Variants in APLNR observed in about 807,000 individuals in gnomAD.
APLNR encodes APJ (apelin) receptor.
In APLNR, 13 loss-of-function variants were observed where a neutral mutation model predicts 23.4. The observed-to-expected ratio is 0.56, with a 90% CI of 0.36 to 0.88. The LOEUF (loss-of-function observed/expected upper bound fraction) is 0.88, where lower values mean the gene tolerates loss of function less well. Ranked by LOEUF, APLNR falls within the 40% of genes least tolerant of loss-of-function variation. APLNR has a pLI of 0.01. For missense variants in APLNR, 480 were observed against 517.1 expected (o/e 0.93, Z 0.70); for synonymous variants, 234 against 211.9 (o/e 1.10, Z -0.91).
Position 57,236,674 on chromosome 11 carries a change from C to T in APLNR, c.331G>A (p.Val111Ile), listed in dbSNP as rs748168275. The change falls in exon 1 of 1, where the codon GTC becomes ATC. Residue 111 changes from valine to isoleucine, a missense_variant. Coordinates refer to ENST00000606794, the MANE Select transcript of APLNR (RefSeq NM_005161.6). ...FCKLSSYLIF[V>I]NMYASVFCLT... Reference sequence around the variant, plus strand: ...CAGAAGACGCTGGCGTACATGTTGACGAAGATGAGGTAGCTGCTGAGCTTG... The same window carrying T: ...CAGAAGACGCTGGCGTACATGTTGATGAAGATGAGGTAGCTGCTGAGCTTG... 3.4e-5 allele frequency: 55 copies of T among 1,609,982 alleles called. No individual in the cohort carries two copies. Among genetic ancestry groups the T allele is most frequent in the Non-Finnish European group, 4.1e-5 (48 of 1,179,540 alleles).
In APLNR at chr11:57,235,755, TA is replaced by T; in HGVS notation, c.*106del. Reference sequence around the variant, plus strand: ...GGGCGGGGCAGAATCAGGGGACAGTTAAAGGATGTGCATAGGACAAGGAGTA... The same window carrying T: ...GGGCGGGGCAGAATCAGGGGACAGTTAAGGATGTGCATAGGACAAGGAGTA... On this transcript the variant is annotated 3_prime_UTR_variant, in exon 1 of 1. Transcript: ENST00000606794. The T allele has an allele frequency of 7.7e-7, 1 of 1,292,324 alleles. No homozygotes were observed. The highest frequency in any genetic ancestry group is 1.1e-6 in the Non-Finnish European group (1 of 941,236). 80.1% of individuals were successfully genotyped at this position (1,292,324 alleles called of 1,614,324 possible).
In APLNR at chr11:57,237,016, G is replaced by T; in HGVS notation, c.-12C>A. On this transcript the variant is annotated 5_prime_UTR_variant, in exon 1 of 1. Coordinates refer to ENST00000606794, the MANE Select transcript of APLNR (RefSeq NM_005161.6). ...CCACCTTCCTCCATGCTGGGGAGTG[G>T]AGAGAAGACGGGCAGAGGGTCCCAG... is the stretch of plus-strand genomic sequence containing the variant. 6.4e-7 allele frequency: 1 copy of T among 1,560,802 alleles called. No individual in the cohort carries two copies. Among genetic ancestry groups the T allele is most frequent in the Non-Finnish European group, 8.7e-7 (1 of 1,152,892 alleles).
chr11:57,237,247 A>C lies in APLNR; in HGVS notation c.-243T>G. On this transcript the variant is annotated 5_prime_UTR_variant, in exon 1 of 1. Coordinates refer to ENST00000606794, the MANE Select transcript of APLNR (RefSeq NM_005161.6). Reference sequence around the variant, plus strand: ...TCTTGCCTTACCCCCGTCTCAGTTAAGACACTTCCTTGCACCCTCCTGCGT... The same window carrying C: ...TCTTGCCTTACCCCCGTCTCAGTTACGACACTTCCTTGCACCCTCCTGCGT... 1.9e-6 allele frequency: 1 copy of C among 514,906 alleles called. No individual in the cohort carries two copies. Among genetic ancestry groups the C allele is most frequent in the South Asian group, 3.5e-5 (1 of 28,882 alleles). The allele number at this position is 514,906 out of a possible 1,614,324, so 31.9% of individuals were successfully genotyped here. A position where few individuals can be genotyped will look rare whatever the true frequency, so the allele number is the denominator to read the frequency against.
chr11:57,236,933 C>G lies in APLNR; in HGVS notation c.72G>C (p.Trp24Cys). 6.2e-7 allele frequency: 1 copy of G among 1,613,738 alleles called. No individual in the cohort carries two copies. Among genetic ancestry groups the G allele is most frequent in the South Asian group, 1.1e-5 (1 of 91,032 alleles). ...DNQSECEYTD[W>C]KSSGALIPAI... The stretch of plus-strand genomic sequence containing the variant: ...CAGGGATGAGGGCCCCCGAGGATTT[C>G]CAGTCTGTGTACTCACACTCAGACT... The change falls in exon 1 of 1, where the codon TGG (tryptophan) becomes TGC (cysteine). Residue 24 changes from tryptophan to cysteine, a missense_variant. Coordinates refer to ENST00000606794, the MANE Select transcript of APLNR (RefSeq NM_005161.6).
Position 57,236,572 on chromosome 11 carries a change from T to A in APLNR, c.433A>T (p.Ser145Cys). Residue 145 changes from serine to cysteine, a missense_variant, in exon 1 of 1, where the codon AGC becomes TGC. Coordinates refer to ENST00000606794, the MANE Select transcript of APLNR (RefSeq NM_005161.6). ...AGAACTGCCGTGGCCACGGCCCCGC[T>A]GACCCGCAGCCTCAGCCGAGCATTG... ...VANARLRLRVSGAVATAVLWV... is the reference protein window; with the variant it reads ...VANARLRLRVCGAVATAVLWV... 6.2e-7 allele frequency: 1 copy of A among 1,613,366 alleles called. No individual in the cohort carries two copies. The highest frequency in any genetic ancestry group is 8.5e-7 in the Non-Finnish European group (1 of 1,179,834).
At position 57,236,548 on chromosome 11, in the gene APLNR, G is replaced by T. The variant is rs747848269; in HGVS notation, c.457C>A (p.Leu153Ile). 15 of 1,613,990 alleles carry T rather than the reference G, an allele frequency of 9.3e-6. No individual in the cohort carries two copies. Among genetic ancestry groups the T allele is most frequent in the Non-Finnish European group, 1.2e-5 (14 of 1,179,982 alleles). ...GCCAGGAGGGCGGCCAGCACCCAAAGAACTGCCGTGGCCACGGCCCCGCTG... is the reference window on the plus strand; with the variant it reads ...GCCAGGAGGGCGGCCAGCACCCAAATAACTGCCGTGGCCACGGCCCCGCTG... ...RVSGAVATAV[L>I]WVLAALLAMP... The change falls in exon 1 of 1, where the codon CTT becomes ATT. Residue 153 changes from leucine (L) to isoleucine (I), a missense_variant. Transcript: ENST00000606794.
Position 57,237,026 on chromosome 11 carries a change from G to A in APLNR, c.-22C>T, listed in dbSNP as rs373994970. On this transcript the variant is annotated 5_prime_UTR_variant, in exon 1 of 1. Coordinates refer to ENST00000606794, the MANE Select transcript of APLNR (RefSeq NM_005161.6). ...CCATGCTGGGGAGTGGAGAGAAGAC[G>A]GGCAGAGGGTCCCAGGGACACCAGC... The A allele has an allele frequency of 4.0e-4, 626 of 1,553,034 alleles. No individual in the cohort carries two copies. The highest frequency in any genetic ancestry group is 5.2e-4 in the Non-Finnish European group (603 of 1,149,804).
In APLNR at chr11:57,235,087, T is replaced by A. The variant is rs974089779; in HGVS notation, c.*775A>T. 6.6e-6 allele frequency: 1 copy of A among 152,224 alleles called. No individual in the cohort carries two copies. Among genetic ancestry groups the A allele is most frequent in the Non-Finnish European group, 1.5e-5 (1 of 68,082 alleles). The allele number at this position is 152,224 out of a possible 1,614,324, so 9.4% of individuals were successfully genotyped here. On this transcript the variant is annotated 3_prime_UTR_variant, in exon 1 of 1. Transcript: ENST00000606794. Reference sequence around the variant, plus strand: ...AGGATGAAAGGGTCTGCGGACAATTTGGAGAAAGCATATCTAGTCAGTGTC... The same window carrying A: ...AGGATGAAAGGGTCTGCGGACAATTAGGAGAAAGCATATCTAGTCAGTGTC...
At position 57,234,677 on chromosome 11, in the gene APLNR, G is replaced by A. The variant is rs948846; in HGVS notation, c.*1185C>T. On this transcript the variant is annotated 3_prime_UTR_variant, in exon 1 of 1. Transcript: ENST00000606794. ...GCAGTGGATTGGGGGGTGGGAGGAG[G>A]TTTGTCCAAATGACCCAGGCACACT... 0.99 allele frequency: 150,526 copies of A among 152,294 alleles called. 74,415 individuals carry two copies. The highest frequency in any genetic ancestry group is 1 in the Middle Eastern group (296 of 296). The allele number at this position is 152,294 out of a possible 1,614,324, so 9.4% of individuals were successfully genotyped here.
At position 57,236,918 on chromosome 11, in the gene APLNR, G is replaced by A. The variant is rs1362956881; in HGVS notation, c.87C>T (p.Ala29=). ...CEYTDWKSSG[A]LIPAIYMLVF... Reference sequence around the variant, plus strand: ...CCAACATGTAGATGGCAGGGATGAGGGCCCCCGAGGATTTCCAGTCTGTGT... The same window carrying A: ...CCAACATGTAGATGGCAGGGATGAGAGCCCCCGAGGATTTCCAGTCTGTGT... The change falls in exon 1 of 1, where the codon GCC becomes GCT. Residue 29 remains alanine, a synonymous_variant. Coordinates refer to ENST00000606794, the MANE Select transcript of APLNR (RefSeq NM_005161.6). The A allele has an allele frequency of 1.9e-6, 3 of 1,613,920 alleles. No homozygotes were observed. The highest frequency in any genetic ancestry group is 2.5e-6 in the Non-Finnish European group (3 of 1,180,022).
chr11:57,236,921 C>T lies in APLNR; in HGVS notation c.84G>A (p.Gly28=). The change falls in exon 1 of 1, where the codon GGG becomes GGA. Residue 28 remains glycine, a synonymous_variant. Coordinates refer to ENST00000606794, the MANE Select transcript of APLNR (RefSeq NM_005161.6). ...ECEYTDWKSS[G]ALIPAIYMLV... Reference sequence around the variant, plus strand: ...ACATGTAGATGGCAGGGATGAGGGCCCCCGAGGATTTCCAGTCTGTGTACT... The same window carrying T: ...ACATGTAGATGGCAGGGATGAGGGCTCCCGAGGATTTCCAGTCTGTGTACT... 6.2e-7 allele frequency: 1 copy of T among 1,613,934 alleles called. No individual in the cohort carries two copies. Among genetic ancestry groups the T allele is most frequent in the Non-Finnish European group, 8.5e-7 (1 of 1,179,988 alleles).
At position 57,235,730 on chromosome 11, in the gene APLNR, G is replaced by A; in HGVS notation, c.*132C>T. The A allele has an allele frequency of 9.3e-7, 1 of 1,070,732 alleles. No homozygotes were observed. The highest frequency in any genetic ancestry group is 1.3e-6 in the Non-Finnish European group (1 of 754,808). 66.3% of individuals were successfully genotyped at this position (1,070,732 alleles called of 1,614,324 possible). A position where few individuals can be genotyped will look rare whatever the true frequency, so the allele number is the denominator to read the frequency against. On this transcript the variant is annotated 3_prime_UTR_variant, in exon 1 of 1. Coordinates refer to ENST00000606794, the MANE Select transcript of APLNR (RefSeq NM_005161.6). ...AAGAATAAAGCAGTAGAGGAGGACA[G>A]GGCGGGGCAGAATCAGGGGACAGTT...
chr11:57,236,834 G>A lies in APLNR; in HGVS notation c.171C>T (p.Ser57=), dbSNP rs1336082202. ...TATCAGCTGAGCGCCTCTTCTCCCG[G>A]CTGCTCCGAAACACGGTCCAGAGCA... ...GLVLWTVFRS[S]REKRRSADIF... Residue 57 remains serine, a synonymous_variant, in exon 1 of 1, where the codon AGC becomes AGT. Transcript: ENST00000606794. 1 of 1,614,230 alleles carries A rather than the reference G, an allele frequency of 6.2e-7. No individual in the cohort carries two copies. The highest frequency in any genetic ancestry group is 1.3e-5 in the African/African-American group (1 of 75,062).
chr11:57,236,474 A>T lies in APLNR; in HGVS notation c.531T>A (p.Thr177=). 6.2e-7 allele frequency: 1 copy of T among 1,614,166 alleles called. No homozygotes were observed. The highest frequency in any genetic ancestry group is 8.5e-7 in the Non-Finnish European group (1 of 1,180,014). The change falls in exon 1 of 1, where the codon ACT becomes ACA. Residue 177 remains threonine, a synonymous_variant. Transcript: ENST00000606794. The part of the protein sequence containing the change: ...LRTTGDLENT[T]KVQCYMDYSM... Reference sequence around the variant, plus strand: ...AGTAGTCCATGTAGCACTGCACCTTAGTGGTGTTCTCCAAGTCCCCGGTGG... The same window carrying T: ...AGTAGTCCATGTAGCACTGCACCTTTGTGGTGTTCTCCAAGTCCCCGGTGG...
Position 57,233,609 on chromosome 11 carries a change from T to A in APLNR, c.*2253A>T, listed in dbSNP as rs902997293. 1 of 152,240 alleles carries A rather than the reference T, an allele frequency of 6.6e-6. No individual in the cohort carries two copies. Among genetic ancestry groups the A allele is most frequent in the Non-Finnish European group, 1.5e-5 (1 of 68,058 alleles). 9.4% of individuals were successfully genotyped at this position (152,240 alleles called of 1,614,324 possible). ...ACAACAGTTGCACAAACAGTTTTAT[T>A]TGATGAACCACAGTGACTAACAGGA... On this transcript the variant is annotated 3_prime_UTR_variant, in exon 1 of 1. Coordinates refer to ENST00000606794, the MANE Select transcript of APLNR (RefSeq NM_005161.6).
At position 57,236,455 on chromosome 11, in the gene APLNR, C is replaced by T; in HGVS notation, c.550G>A (p.Asp184Asn). 6.2e-7 allele frequency: 1 copy of T among 1,614,218 alleles called. No homozygotes were observed. Among genetic ancestry groups the T allele is most frequent in the Non-Finnish European group, 8.5e-7 (1 of 1,180,026 alleles). Residue 184 changes from aspartate (D) to asparagine (N), a missense_variant, in exon 1 of 1, where the codon GAC becomes AAC. Transcript: ENST00000606794. ...ENTTKVQCYM[D>N]YSMVATVSSE... ...CTCACAGTGGCCACCATGGAGTAGT[C>T]CATGTAGCACTGCACCTTAGTGGTG...
rs1854975768 is a variant in APLNR at position 57,234,269 on chromosome 11, C to CTTAG, written c.*1589_*1592dup. On this transcript the variant is annotated 3_prime_UTR_variant, in exon 1 of 1. Coordinates refer to ENST00000606794, the MANE Select transcript of APLNR (RefSeq NM_005161.6). ...TGGCCCATGGCAAGCAGGAGGCCTC[C>CTTAG]TTAGGAAGAGGGCCACTGACCCTGG... is the stretch of plus-strand genomic sequence containing the variant. The CTTAG allele has an allele frequency of 1.3e-5, 2 of 152,158 alleles. No individual in the cohort carries two copies. Among genetic ancestry groups the CTTAG allele is most frequent in the African/African-American group, 4.8e-5 (2 of 41,412 alleles). 9.4% of individuals were successfully genotyped at this position (152,158 alleles called of 1,614,324 possible). A position where few individuals can be genotyped will look rare whatever the true frequency, so the allele number is the denominator to read the frequency against.
In APLNR at chr11:57,236,642, G is replaced by C. The variant is rs77731345; in HGVS notation, c.363C>G (p.Thr121=). 3 of 1,607,958 alleles carry C rather than the reference G, an allele frequency of 1.9e-6. No individual in the cohort carries two copies. The highest frequency in any genetic ancestry group is 2.5e-6 in the Non-Finnish European group (3 of 1,178,518). The stretch of plus-strand genomic sequence containing the variant: ...CCAGGTAGCGGTCGAAGCTGAGGCC[G>C]GTGAGGCAGAAGACGCTGGCGTACA... ...VNMYASVFCL[T]GLSFDRYLAI... Residue 121 remains threonine (T), a synonymous_variant, in exon 1 of 1, where the codon ACC becomes ACG. Transcript: ENST00000606794.
Position 57,235,876 on chromosome 11 carries a change from G to A in APLNR, c.1129C>T (p.Leu377Phe). The A allele has an allele frequency of 1.2e-6, 2 of 1,608,124 alleles. No individual in the cohort carries two copies. Among genetic ancestry groups the A allele is most frequent in the East Asian group, 4.5e-5 (2 of 44,850 alleles). The change falls in exon 1 of 1, where the codon CTT (leucine) becomes TTT (phenylalanine). Residue 377 changes from leucine (L) to phenylalanine (F), a missense_variant. Leu to Phe is a conservative substitution (Grantham distance 22). Transcript: ENST00000606794. ...TGCTCCCAGCCCTAGTCAACCACAAGGGTCTCCTGGCTGTAGGGGATGGAT... is the reference window on the plus strand; with the variant it reads ...TGCTCCCAGCCCTAGTCAACCACAAAGGTCTCCTGGCTGTAGGGGATGGAT... The part of the protein sequence containing the change: ...EKSIPYSQET[L>F]VVD
Sources: allele counts gnomAD v4.1 joint callset, GRCh38; gene constraint gnomAD v4.1.1; transcripts MANE v1.5; gene names NCBI Gene and HGNC (gene_info 2026-07-23, HGNC 2026-07-21).